The following ENTREP1 variants were observed in gnomAD, a reference collection of about 807,000 sequenced individuals.
The protein encoded by ENTREP1 is endosomal transmembrane epsin interactor 1.
chr9:69,345,261 TA>T, the ENTREP1 span, among the ~76,000 whole-genome samples: 2 of 152,124 alleles, frequency 1.3e-5, no homozygotes, highest in Non-Finnish European at 2.9e-5. Flanking sequence ...AGTTTCCTGG[TA>T]AAGCTCTTTT....
the ENTREP1 span, among the ~76,000 whole-genome samples, chr9:69,374,635 A>G: frequency 6.6e-6 from 1 of 152,140 alleles, no homozygotes; most frequent in East Asian, 1.9e-4. Context: ...TTAAGATGGC[A>G]TCATCATTTT....
the ENTREP1 span, among the ~76,000 whole-genome samples, chr9:69,342,539 A>C: frequency 6.6e-6 from 1 of 152,212 alleles, no homozygotes; most frequent in East Asian, 1.9e-4. Context: ...TCTTTCACTC[A>C]AAAGAGCCAG....
the ENTREP1 span, chr9:69,381,844 G>A: frequency 6.6e-6 from 1 of 152,152 alleles, no homozygotes; most frequent in Non-Finnish European, 1.5e-5. Flanking sequence ...AACTACCATA[G>A]AAGCTGTTTA....
chr9:69,333,968 G>C, the ENTREP1 span, among the ~76,000 whole-genome samples: 1 of 152,200 alleles, frequency 6.6e-6, no homozygotes, highest in East Asian at 1.9e-4. Context: ...AGGAATCACT[G>C]TCATCACTAT....
the ENTREP1 span, chr9:69,377,708 C>A: frequency 1.9e-6 from 3 of 1,614,072 alleles, no homozygotes; most frequent in Non-Finnish European, 2.5e-6. Context: ...TCCTATTTTG[C>A]CACGTTTTAC....
chr9:69,340,666 C>CATGTGTGTGTGCATGCAT, the ENTREP1 span, among the ~76,000 whole-genome samples: 1 of 108,650 alleles, frequency 9.2e-6, no homozygotes, highest in Non-Finnish European at 1.8e-5. Context: ...TGTGTGTGTG[C>CATGTGTGTGTGCATGCAT]GTGTGTGTGT....
chr9:69,361,209 G>A, the ENTREP1 span, among the ~76,000 whole-genome samples: 1 of 152,102 alleles, frequency 6.6e-6, no homozygotes, highest in African/African-American at 2.4e-5. Flanking sequence ...GTATACACAT[G>A]TATAATCATT....
the ENTREP1 span, chr9:69,388,295 A>G: frequency 3.7e-6 from 6 of 1,614,080 alleles, no homozygotes; most frequent in Non-Finnish European, 1.7e-6. Flanking sequence ...CAAATCCTAC[A>G]TGGACACCAA....
At chr9:69,345,753 C>T in the ENTREP1 span, among the ~76,000 whole-genome samples, 1 of 152,148 alleles carries the variant, frequency 6.6e-6, no homozygotes, top group African/African-American at 2.4e-5. Context: ...CAGGCATGCG[C>T]CACCATACGT....
the ENTREP1 span, among the ~76,000 whole-genome samples, chr9:69,370,757 T>C: frequency 1.3e-5 from 2 of 152,220 alleles, no homozygotes. Context: ...CTACTTGAAT[T>C]GATGCTTTGT....
the ENTREP1 span, chr9:69,377,546 C>T: frequency 5.6e-6 from 9 of 1,610,554 alleles, no homozygotes; most frequent in East Asian, 2.0e-4. Flanking sequence ...TCGTGTCATC[C>T]ACTGCCTCTC....
the ENTREP1 span, among the ~76,000 whole-genome samples, chr9:69,340,621 G>A: frequency 1.4e-5 from 1 of 73,286 alleles, no homozygotes; most frequent in Non-Finnish European, 2.7e-5. Flanking sequence ...GCATGTGTGT[G>A]TGCATGTGTG....
the ENTREP1 span, among the ~76,000 whole-genome samples, chr9:69,335,575 C>A: frequency 6.6e-6 from 1 of 152,082 alleles, no homozygotes; most frequent in Non-Finnish European, 1.5e-5. Flanking sequence ...GGCTTGAGAG[C>A]AGGTAAGAGA....
the ENTREP1 span, among the ~76,000 whole-genome samples, chr9:69,331,094 TACAC>T: frequency 8.5e-5 from 13 of 152,102 alleles, no homozygotes; most frequent in Non-Finnish European, 1.5e-4. Context: ...TACACACACA[TACAC>T]ACACATTTTT....
At chr9:69,356,111 T>C in the ENTREP1 span, among the ~76,000 whole-genome samples, 1 of 152,186 alleles carries the variant, frequency 6.6e-6, no homozygotes, top group East Asian at 1.9e-4. Context: ...AGAAACTATA[T>C]CCATTAAACA....
chr9:69,363,727 G>A, the ENTREP1 span, among the ~76,000 whole-genome samples: 1 of 152,172 alleles, frequency 6.6e-6, no homozygotes, highest in Non-Finnish European at 1.5e-5. Flanking sequence ...CCCTCCCTGT[G>A]GTCTTCTTTC....
chr9:69,343,505 G>A, the ENTREP1 span, among the ~76,000 whole-genome samples: 5 of 152,016 alleles, frequency 3.3e-5, 1 homozygote, highest in African/African-American at 4.8e-5. Context: ...AAGTGGCACC[G>A]TCGCAGCTCA....
the ENTREP1 span, among the ~76,000 whole-genome samples, chr9:69,348,735 A>G: frequency 1.3e-5 from 2 of 152,236 alleles, no homozygotes; most frequent in African/African-American, 4.8e-5. Context: ...TCCAGTTAGC[A>G]TATTTTTTAG....
At chr9:69,345,309 G>C in the ENTREP1 span, among the ~76,000 whole-genome samples, 31 of 152,322 alleles carry the variant, frequency 2.0e-4, no homozygotes, top group Admixed American at 2.0e-3. Flanking sequence ...TGGACATTAT[G>C]TGTTAGCAGG....
Sources: allele counts gnomAD v4.1 joint callset (sites outside exome capture counted in the v4.1 genomes callset), GRCh38; gene constraint gnomAD v4.1.1; transcripts MANE v1.5; gene names NCBI Gene and HGNC (gene_info 2026-07-23, HGNC 2026-07-21).